Variants in GLI3 observed in about 807,000 individuals in gnomAD.
GLI3 encodes transcription activator GLI3.
A neutral mutation model predicts 100.8 loss-of-function variants in GLI3; 20 were observed. That is an observed-to-expected ratio of 0.20 (90% CI 0.14 to 0.29). The LOEUF is 0.29. GLI3 is among the 10% of genes least tolerant of loss of function. The probability of loss-of-function intolerance (pLI) is 1.00; values close to 1 mark genes in which losing one functional copy is unlikely to be tolerated. For synonymous variants in GLI3, 938 were observed against 860.5 expected, an observed-to-expected ratio of 1.09 and a Z score of -1.58; for missense variants, 2,040 against 2,128.5, an observed-to-expected ratio of 0.96 and a Z score of 0.82.
At chr7:42,225,355 G>GT (rs1436892439) in intron 1 of GLI3, among the ~76,000 whole-genome samples, 3 of 151,930 alleles carry the variant, frequency 2.0e-5, no homozygotes, top group Admixed American at 2.0e-4. Flanking sequence ...GTTTGTTTTT[G>GT]TTTTTTCGGT....
chr7:42,210,331 A>C (rs1394809639), intron 2 of GLI3, among the ~76,000 whole-genome samples: 1 of 120,672 alleles, frequency 8.3e-6, no homozygotes, highest in Non-Finnish European at 1.7e-5. Flanking sequence ...TCTATTCAAA[A>C]ATGAAAGCCC....
At position 42,222,791 on chromosome 7, in the gene GLI3, G is replaced by A. The variant is rs1404481662; in HGVS notation, c.124+339C>T. The A allele has an allele frequency of 4.8e-5, 16 of 334,166 alleles. No individual in the cohort carries two copies. In the East Asian group the frequency reaches 1.0e-3, roughly 22 times the overall value. The allele number at this position is 334,166 out of a possible 1,614,324, so 20.7% of individuals were successfully genotyped here. Reference sequence around the variant, plus strand: ...TCTTTTGTACTAATTATTCCGAGTAGTGTAGATGATCCATATGCAACACAA... The same window carrying A: ...TCTTTTGTACTAATTATTCCGAGTAATGTAGATGATCCATATGCAACACAA... On this transcript the variant is annotated intron_variant, in intron 2 of 14. Coordinates refer to ENST00000395925, the MANE Select transcript of GLI3 (RefSeq NM_000168.6).
chr7:42,237,956 C>G (rs867385763), upstream of GLI3: 2,673 of 150,076 alleles, frequency 0.018, 106 homozygotes, highest in African/African-American at 0.063. Flanking sequence ...GCGAGCCACG[C>G]GCGCGCTCCC....
At chr7:42,233,819 A>C (rs1788738426) in intron 1 of GLI3, among the ~76,000 whole-genome samples, 1 of 152,198 alleles carries the variant, frequency 6.6e-6, no homozygotes, top group Admixed American at 6.5e-5. Context: ...ATCTTCTCCT[A>C]GGCTTTAATG....
At chr7:41,997,141 G>A (rs920461508) in intron 10 of GLI3, among the ~76,000 whole-genome samples, 2 of 152,106 alleles carry the variant, frequency 1.3e-5, no homozygotes, top group Non-Finnish European at 2.9e-5. Context: ...AATGGGAGTT[G>A]AGTTTTTCCC....
chr7:42,235,006 T>C (rs1262040520), intron 1 of GLI3, among the ~76,000 whole-genome samples: 2 of 152,218 alleles, frequency 1.3e-5, no homozygotes, highest in Non-Finnish European at 2.9e-5. Context: ...ATTCTTCAGA[T>C]ACTTCACAGA....
intron 3 of GLI3, among the ~76,000 whole-genome samples, chr7:42,147,146 C>T (rs1786731608): frequency 6.6e-6 from 1 of 152,132 alleles, no homozygotes; most frequent in Non-Finnish European, 1.5e-5. Context: ...GTTGCTGAGA[C>T]TTAAGGTTAT....
At chr7:42,087,154 T>C (rs1785119596) in intron 3 of GLI3, among the ~76,000 whole-genome samples, 1 of 152,160 alleles carries the variant, frequency 6.6e-6, no homozygotes, top group Non-Finnish European at 1.5e-5. Flanking sequence ...GGCCACGCAA[T>C]GACAGTGGTG....
chr7:42,095,599 T>C (rs1287324630), intron 3 of GLI3, among the ~76,000 whole-genome samples: 2 of 151,584 alleles, frequency 1.3e-5, no homozygotes, highest in Admixed American at 6.6e-5. Flanking sequence ...AAGAGAAAGA[T>C]GGAAGGTGGG....
chr7:42,025,118 A>G, intron 9 of GLI3, 146 bp downstream of exon 9: 3 of 640,448 alleles, frequency 4.7e-6, no homozygotes. Context: ...TTTGTACAAC[A>G]TGTAGAGTAC....
At chr7:42,129,754 G>A (rs1294008124) in intron 3 of GLI3, among the ~76,000 whole-genome samples, 1 of 152,050 alleles carries the variant, frequency 6.6e-6, no homozygotes. Context: ...AGCTTGCATT[G>A]AGCCGAGATC....
At chr7:42,127,116 G>A (rs1472760029) in intron 3 of GLI3, among the ~76,000 whole-genome samples, 1 of 152,180 alleles carries the variant, frequency 6.6e-6, no homozygotes, top group Admixed American at 6.5e-5. Flanking sequence ...TTCTCTGAAT[G>A]ACAGCCTATC....
At chr7:42,085,282 G>A (rs1233608225) in intron 3 of GLI3, among the ~76,000 whole-genome samples, 3 of 152,138 alleles carry the variant, frequency 2.0e-5, no homozygotes, top group Non-Finnish European at 2.9e-5. Context: ...GATCCACAAA[G>A]GGGAGGTTTG....
chr7:42,179,968 C>G (rs1787558921), intron 2 of GLI3, among the ~76,000 whole-genome samples: 2 of 152,124 alleles, frequency 1.3e-5, no homozygotes, highest in Non-Finnish European at 2.9e-5. Context: ...TGGGAGAGAG[C>G]AGGGCTGGAA....
At chr7:42,209,699 T>C (rs1788223844) in intron 2 of GLI3, among the ~76,000 whole-genome samples, 2 of 152,160 alleles carry the variant, frequency 1.3e-5, no homozygotes, top group Admixed American at 1.3e-4. Context: ...AGGCAGAATC[T>C]TTTGAATTCT....
Position 42,170,517 on chromosome 7 carries a change from C to T in GLI3, c.125-22049G>A, listed in dbSNP as rs192410371. On this transcript the variant is annotated intron_variant, in intron 2 of 14. Transcript: ENST00000395925. ...TCCTGGGTTCAAGCCATTCTCCTGC[C>T]TCAGCCTCCCGAGTAGCTGGGACTA... Among the ~76,000 whole-genome samples, 912 of 150,568 alleles carry T rather than the reference C, an allele frequency of 6.1e-3. 12 individuals are homozygous for T. Among genetic ancestry groups the T allele is most frequent in the African/African-American group, 0.02 (830 of 41,058 alleles).
At chr7:42,113,243 A>G in intron 3 of GLI3, 1 of 474,082 alleles carries the variant, frequency 2.1e-6, no homozygotes, top group South Asian at 1.7e-5. Context: ...GGTGAGTAAG[A>G]AATACAGAAG....
chr7:42,024,684 G>T (rs1789053235), intron 9 of GLI3, among the ~76,000 whole-genome samples: 2 of 152,234 alleles, frequency 1.3e-5, no homozygotes, highest in African/African-American at 4.8e-5. Flanking sequence ...GAATTTAAGT[G>T]ACTAGAGGCG....
chr7:42,151,946 G>C (rs886682166), intron 2 of GLI3: 1 of 152,126 alleles, frequency 6.6e-6, no homozygotes, highest in Non-Finnish European at 1.5e-5. Flanking sequence ...TAGGACGTTT[G>C]CAATAAAAGT....
Sources: gnomAD v4.1 joint callset for allele counts (sites outside exome capture counted in the v4.1 genomes callset) on GRCh38, gnomAD v4.1.1 for gene constraint, MANE v1.5 for transcripts, NCBI Gene and HGNC (gene_info 2026-07-23, HGNC 2026-07-21) for gene names.